The following STARD13 variants were observed in gnomAD, a reference collection of about 807,000 sequenced individuals.
The protein encoded by STARD13 is stAR-related lipid transfer protein 13.
A neutral mutation model predicts 106.4 loss-of-function variants in STARD13; 62 were observed. The observed-to-expected ratio is 0.58, with a 90% CI of 0.48 to 0.72. The LOEUF is 0.72. STARD13 is among the 30% of genes least tolerant of loss of function. STARD13 has a pLI of 0.00. For missense variants in STARD13, 1,387 were observed against 1,424.0 expected (o/e 0.97, Z 0.42); for synonymous variants, 565 against 553.0 (o/e 1.02, Z -0.31).
upstream of STARD13, among the ~76,000 whole-genome samples, chr13:33,353,520 A>G (rs1381624839): frequency 6.6e-6 from 1 of 152,192 alleles, no homozygotes; most frequent in Non-Finnish European, 1.5e-5. Context: ...GGCTATAGAT[A>G]GAAAGTATAT....
In STARD13 at chr13:33,306,417, G is replaced by A. The variant is rs1245996607; in HGVS notation, c.124+43873C>T. ...AATAACATTCAAGACATAGCCATGGGCAAAGATTTCATGACAAAAACATCA... is the reference window on the plus strand; with the variant it reads ...AATAACATTCAAGACATAGCCATGGACAAAGATTTCATGACAAAAACATCA... On this transcript the variant is annotated intron_variant, in intron 1 of 5. Coordinates refer to the STARD13 transcript ENST00000567873. Among the ~76,000 whole-genome samples, 6 of 152,206 alleles carry A rather than the reference G, an allele frequency of 3.9e-5. No individual in the cohort carries two copies. In the East Asian group the frequency reaches 1.2e-3, roughly 29 times the overall value.
At chr13:33,118,695 G>C (rs75513127) in intron 7 of STARD13, among the ~76,000 whole-genome samples, 4 of 152,156 alleles carry the variant, frequency 2.6e-5, no homozygotes, top group Admixed American at 2.6e-4. Context: ...TTTTGAGAAC[G>C]TCTGGTCAAT....
the STARD13 span, among the ~76,000 whole-genome samples, chr13:33,528,188 T>C: frequency 1.9e-3 from 262 of 137,678 alleles, no homozygotes; most frequent in African/African-American, 6.3e-3. Context: ...TATATATATA[T>C]ACACACACAC....
In STARD13 at chr13:33,105,680, G is replaced by C. The variant is rs1312729976; in HGVS notation, c.3255C>G (p.Gly1085=). 1 of 1,614,204 alleles carries C rather than the reference G, an allele frequency of 6.2e-7. No individual in the cohort carries two copies. The highest frequency in any genetic ancestry group is 8.5e-7 in the Non-Finnish European group (1 of 1,180,004). The change falls in exon 14 of 14, where the codon GGC becomes GGG. Residue 1085 remains glycine (G), a synonymous_variant. Coordinates refer to ENST00000336934, the MANE Select transcript of STARD13 (RefSeq NM_178006.4). ...KGHSPEWYSK[G]FGHLCAAEVA... ...CTTCTGCTGCACACAGATGTCCAAA[G>C]CCTTTGCTGTACCATTCTGGGGAGT...
At chr13:33,105,798 C>A in intron 13 of STARD13, 88 bp from the exon 14 acceptor site, 1 of 1,113,286 alleles carries the variant, frequency 9.0e-7, no homozygotes, top group Non-Finnish European at 1.4e-6. Context: ...GCCCTTGGGC[C>A]CCGATGACCA....
chr13:33,181,437 A>G (rs1445159658), intron 1 of STARD13, among the ~76,000 whole-genome samples: 1 of 152,220 alleles, frequency 6.6e-6, no homozygotes, highest in Non-Finnish European at 1.5e-5. Context: ...GCATCTTTAC[A>G]TCTCATGTTC....
At chr13:33,192,898 CA>C (rs544139108) in intron 1 of STARD13, among the ~76,000 whole-genome samples, 11 of 144,852 alleles carry the variant, frequency 7.6e-5, no homozygotes, top group Admixed American at 2.1e-4. Flanking sequence ...AACTCTGTCT[CA>C]AAAAAAAAAG....
chr13:33,278,784 C>A (rs1891594302), intron 1 of STARD13: 1 of 152,118 alleles, frequency 6.6e-6, no homozygotes, highest in Admixed American at 6.6e-5. Flanking sequence ...TTATTCAAGG[C>A]CTTACATTTT....
intron 7 of STARD13, among the ~76,000 whole-genome samples, chr13:33,123,055 CAAA>C (rs71071079): frequency 8.7e-5 from 4 of 45,838 alleles, no homozygotes; most frequent in Non-Finnish European, 1.1e-4. Context: ...GACTCCATCT[CAAA>C]AAAAAAAAAA....
At chr13:33,108,957 G>A (rs926174518) in intron 12 of STARD13, among the ~76,000 whole-genome samples, 4 of 152,182 alleles carry the variant, frequency 2.6e-5, no homozygotes, top group African/African-American at 9.6e-5. Context: ...ATATATTTAG[G>A]GAAAATTGAC....
the STARD13 span, among the ~76,000 whole-genome samples, chr13:33,484,650 G>A: frequency 6.6e-6 from 1 of 152,128 alleles, no homozygotes; most frequent in Non-Finnish European, 1.5e-5. Flanking sequence ...AGGCTGATTT[G>A]AGTAGCAATA....
the STARD13 span, among the ~76,000 whole-genome samples, chr13:33,635,681 C>CA: frequency 1.6e-3 from 243 of 149,400 alleles, 1 homozygote; most frequent in African/African-American, 5.4e-3. Context: ...AACAAACAAA[C>CA]AAAAAAAACA....
intron 1 of STARD13, among the ~76,000 whole-genome samples, chr13:33,206,300 G>A (rs896341205): frequency 2.0e-5 from 3 of 151,850 alleles, no homozygotes; most frequent in African/African-American, 7.3e-5. Flanking sequence ...AAGGGAAGAA[G>A]TGTTTTAAAC....
the STARD13 span, among the ~76,000 whole-genome samples, chr13:33,590,608 C>T: frequency 6.7e-6 from 1 of 149,002 alleles, no homozygotes; most frequent in Non-Finnish European, 1.5e-5. Flanking sequence ...GACAAAAAAC[C>T]AAACACCGCA....
At chr13:33,376,555 A>C in the STARD13 span, among the ~76,000 whole-genome samples, 2 of 151,960 alleles carry the variant, frequency 1.3e-5, no homozygotes, top group Non-Finnish European at 2.9e-5. Flanking sequence ...GGCTGTAGTG[A>C]GCTGTGATTG....
chr13:33,232,359 T>C (rs532372211), intron 1 of STARD13, among the ~76,000 whole-genome samples: 28 of 152,338 alleles, frequency 1.8e-4, no homozygotes, highest in African/African-American at 5.3e-4. Context: ...AATTCTTGTA[T>C]TTAAAAATTT....
intron 1 of STARD13, among the ~76,000 whole-genome samples, chr13:33,329,677 G>A (rs894233921): frequency 1.8e-4 from 27 of 149,502 alleles, no homozygotes; most frequent in Non-Finnish European, 3.6e-4. Context: ...GTGTGTGTGT[G>A]TGTGATTGTA....
At chr13:33,519,214 T>G in the STARD13 span, among the ~76,000 whole-genome samples, 1 of 76,522 alleles carries the variant, frequency 1.3e-5, no homozygotes, top group African/African-American at 5.3e-5. Flanking sequence ...AATTTTTTCT[T>G]TCTTTCTTTC....
the STARD13 span, among the ~76,000 whole-genome samples, chr13:33,381,119 G>A: frequency 1.2e-4 from 19 of 152,282 alleles, no homozygotes; most frequent in East Asian, 3.5e-3. Context: ...GGGAACAAAT[G>A]TCCTCTGAGA....
Sources: gnomAD v4.1 joint callset for allele counts (sites outside exome capture counted in the v4.1 genomes callset) on GRCh38, gnomAD v4.1.1 for gene constraint, MANE v1.5 for transcripts, NCBI Gene and HGNC (gene_info 2026-07-23, HGNC 2026-07-21) for gene names.